Variants in ASCC3 observed in about 807,000 individuals in gnomAD.
The protein encoded by ASCC3 is ASC-1 complex subunit P200.
In ASCC3, 158 loss-of-function variants were observed where a neutral mutation model predicts 256.3. The ratio of observed to expected loss-of-function variants is 0.62; its 90% CI spans 0.54 to 0.70. The LOEUF (loss-of-function observed/expected upper bound fraction) is 0.70, where lower values mean the gene tolerates loss of function less well. Ranked by LOEUF, ASCC3 falls within the 30% of genes least tolerant of loss-of-function variation. ASCC3 has a pLI of 0.00. For synonymous variants in ASCC3, 948 were observed against 883.4 expected, an observed-to-expected ratio of 1.07 and a Z score of -1.30; for missense variants, 2,259 against 2,626.0, an observed-to-expected ratio of 0.86 and a Z score of 3.05.
chr6:100,631,515 T>G (rs530148862), intron 25 of ASCC3, among the ~76,000 whole-genome samples: 4 of 151,868 alleles, frequency 2.6e-5, no homozygotes, highest in Admixed American at 6.6e-5. Flanking sequence ...CATTTTACTA[T>G]GAAATTATAT....
intron 14 of ASCC3, among the ~76,000 whole-genome samples, chr6:100,666,106 A>G (rs554983325): frequency 6.6e-6 from 1 of 152,280 alleles, no homozygotes; most frequent in East Asian, 1.9e-4. Flanking sequence ...ACCCAGATTA[A>G]TGGCTTTGAG....
intron 8 of ASCC3, among the ~76,000 whole-genome samples, chr6:100,780,141 C>T (rs1298830561): frequency 1.3e-5 from 2 of 152,076 alleles, no homozygotes; most frequent in Non-Finnish European, 2.9e-5. Context: ...TTTTATTTAA[C>T]TCAATGTATC....
intron 3 of ASCC3, 89 bp from the exon 4 acceptor site, chr6:100,848,796 G>A: frequency 7.8e-7 from 1 of 1,275,246 alleles, no homozygotes. Flanking sequence ...ATATTCTCCT[G>A]AGTAAATCTA....
chr6:100,571,622 T>C (rs1192993766), intron 36 of ASCC3, among the ~76,000 whole-genome samples: 1 of 152,202 alleles, frequency 6.6e-6, no homozygotes, highest in African/African-American at 2.4e-5. Context: ...ATTTCACGTA[T>C]ATAAACTAAT....
At chr6:100,574,764 A>C (rs979844256) in intron 36 of ASCC3, among the ~76,000 whole-genome samples, 10 of 152,044 alleles carry the variant, frequency 6.6e-5, no homozygotes, top group African/African-American at 2.2e-4. Flanking sequence ...GCTTGTCGGA[A>C]CATAACAGCT....
intron 37 of ASCC3, among the ~76,000 whole-genome samples, chr6:100,532,590 C>T (rs1354216862): frequency 6.6e-6 from 1 of 151,514 alleles, no homozygotes; most frequent in Admixed American, 6.6e-5. Flanking sequence ...TTGATAAGAG[C>T]AGATTCTGCT....
At chr6:100,745,794 G>A (rs997289309) in intron 10 of ASCC3, among the ~76,000 whole-genome samples, 8 of 151,980 alleles carry the variant, frequency 5.3e-5, no homozygotes, top group Non-Finnish European at 1.2e-4. Context: ...ACTGTATTGA[G>A]CAGTACTGCT....
chr6:100,865,831 G>A (rs1238401386), intron 2 of ASCC3, among the ~76,000 whole-genome samples: 2 of 151,954 alleles, frequency 1.3e-5, no homozygotes, highest in East Asian at 1.9e-4. Flanking sequence ...AGAGCTTCAG[G>A]CCTATAAAAT....
chr6:100,739,475 C>A (rs1209289701), intron 10 of ASCC3, among the ~76,000 whole-genome samples: 1 of 152,106 alleles, frequency 6.6e-6, no homozygotes, highest in East Asian at 1.9e-4. Flanking sequence ...AGGGAGGAGT[C>A]CCTCCTTTAA....
chr6:100,652,984 T>A, intron 17 of ASCC3, 95 bp from the exon 18 acceptor site: 2 of 1,199,198 alleles, frequency 1.7e-6, no homozygotes, highest in South Asian at 1.3e-5. Flanking sequence ...CTTTTCTTAA[T>A]GTTTTAGTTA....
chr6:100,526,964 A>C (rs1375344226), intron 37 of ASCC3, among the ~76,000 whole-genome samples: 1 of 152,188 alleles, frequency 6.6e-6, no homozygotes. Flanking sequence ...AGAAAATCTT[A>C]AAAACATTGT....
intron 10 of ASCC3, among the ~76,000 whole-genome samples, chr6:100,745,326 CA>C (rs977499005): frequency 5.5e-4 from 77 of 141,258 alleles, no homozygotes; most frequent in Non-Finnish European, 5.9e-4. Flanking sequence ...GACTCCATCT[CA>C]AAAAAAAAAA....
At chr6:100,673,026 C>T (rs2114952617) in intron 14 of ASCC3, among the ~76,000 whole-genome samples, 1 of 152,064 alleles carries the variant, frequency 6.6e-6, no homozygotes, top group South Asian at 2.1e-4. Context: ...AACTAATTTC[C>T]ATATGTTATT....
intron 34 of ASCC3, among the ~76,000 whole-genome samples, chr6:100,594,223 T>C (rs1035616039): frequency 2.6e-5 from 4 of 152,134 alleles, no homozygotes; most frequent in Admixed American, 2.6e-4. Flanking sequence ...TTCTTTTCTA[T>C]TGTTAAGTAA....
intron 4 of ASCC3, among the ~76,000 whole-genome samples, chr6:100,828,628 A>G (rs1459139324): frequency 6.6e-6 from 1 of 151,856 alleles, no homozygotes; most frequent in Non-Finnish European, 1.5e-5. Context: ...GAAGCTGCGG[A>G]TCTTCGCGGT....
intron 4 of ASCC3, among the ~76,000 whole-genome samples, chr6:100,832,658 C>A (rs1771678978): frequency 6.6e-6 from 1 of 151,936 alleles, no homozygotes; most frequent in Non-Finnish European, 1.5e-5. Context: ...TCATAGCTAC[C>A]CATTCATGTT....
At chr6:100,776,379 CA>C (rs1408057722) in intron 8 of ASCC3, among the ~76,000 whole-genome samples, 3 of 152,046 alleles carry the variant, frequency 2.0e-5, no homozygotes, top group African/African-American at 7.2e-5. Context: ...TAAGCATTTT[CA>C]AAACATATCA....
intron 11 of ASCC3, among the ~76,000 whole-genome samples, chr6:100,722,558 A>C (rs1274461036): frequency 1.3e-5 from 2 of 151,814 alleles, no homozygotes; most frequent in Non-Finnish European, 3.0e-5. Flanking sequence ...GTAAGCAAGA[A>C]CTTTGTTTTG....
At chr6:100,852,584 T>G (rs936631909) in intron 3 of ASCC3, among the ~76,000 whole-genome samples, 1 of 152,230 alleles carries the variant, frequency 6.6e-6, no homozygotes, top group Non-Finnish European at 1.5e-5. Flanking sequence ...CTTAAAGCTT[T>G]TTCTGTCTGC....
Sources: allele counts gnomAD v4.1 joint callset (sites outside exome capture counted in the v4.1 genomes callset), GRCh38; gene constraint gnomAD v4.1.1; transcripts MANE v1.5; gene names NCBI Gene and HGNC (gene_info 2026-07-23, HGNC 2026-07-21).